The following PUDP variants were observed in gnomAD, a reference collection of about 807,000 sequenced individuals.
PUDP encodes the protein pseudouridine-5'-phosphatase.
A neutral mutation model predicts 9.4 loss-of-function variants in PUDP; 8 were observed. The observed-to-expected ratio is 0.85, with a 90% CI of 0.50 to 1.53. The LOEUF is 1.53. Ranked by LOEUF, PUDP falls within the 40% of genes most tolerant of loss-of-function variation. The pLI is 0.00. For missense variants in PUDP, 188 were observed against 189.7 expected, an observed-to-expected ratio of 0.99 and a Z score of 0.05; for synonymous variants, 99 against 80.7, an observed-to-expected ratio of 1.23 and a Z score of -1.22.
intron 1 of PUDP, among the ~76,000 whole-genome samples, chrX:6,992,422 G>A (rs1006317991): frequency 1.9e-5 from 2 of 103,197 alleles, no homozygotes; most frequent in African/African-American, 7.0e-5. Flanking sequence ...ACAGGCGCCC[G>A]CCACCGTGCC....
intron 3 of PUDP, among the ~76,000 whole-genome samples, chrX:6,764,191 C>A (rs765581667): frequency 9.0e-6 from 1 of 111,408 alleles, no homozygotes; most frequent in African/African-American, 3.3e-5. Context: ...CCTGCTAAGT[C>A]GACAGAGAAT....
intron 2 of PUDP, among the ~76,000 whole-genome samples, chrX:7,097,898 G>A (rs1440854667): frequency 2.7e-5 from 3 of 112,208 alleles, no homozygotes; most frequent in Non-Finnish European, 5.6e-5. Context: ...TCAGCCTGAG[G>A]AGGAAGGCTT....
intron 1 of PUDP, among the ~76,000 whole-genome samples, chrX:6,991,501 G>A (rs975300177): frequency 3.6e-5 from 4 of 109,977 alleles, no homozygotes; most frequent in Non-Finnish European, 7.6e-5. Flanking sequence ...AACAGAGTGA[G>A]ACCCTGTCTC....
chrX:7,097,200 A>G (rs1295516783), intron 2 of PUDP, among the ~76,000 whole-genome samples: 1 of 111,814 alleles, frequency 8.9e-6, no homozygotes, highest in Admixed American at 9.5e-5. Context: ...TGCAGGTTGC[A>G]TTCTGACACG....
In PUDP at chrX:6,736,729, T is replaced by A. The variant is rs113967916; in HGVS notation, c.*248-30263A>T. ...ACATGGATGGAGCTGGAGGCCATGA[T>A]CCTAAGTGAAGTAACACAGGAACAG... On this transcript the variant is annotated intron_variant and NMD_transcript_variant, in intron 3 of 3. Coordinates refer to the PUDP transcript ENST00000655425. Among the ~76,000 whole-genome samples, 1,076 of 111,432 alleles carry A rather than the reference T, an allele frequency of 9.7e-3. 11 individuals carry two copies. Among genetic ancestry groups the A allele is most frequent in the African/African-American group, 0.033 (1,019 of 30,650 alleles).
At chrX:7,088,002 T>C (rs776640925) in intron 2 of PUDP, among the ~76,000 whole-genome samples, 33 of 111,977 alleles carry the variant, frequency 2.9e-4, no homozygotes, top group Non-Finnish European at 5.4e-4. Flanking sequence ...TCCAATTTCA[T>C]AGACTTATAG....
At chrX:6,775,742 A>C (rs899999733) in intron 3 of PUDP, among the ~76,000 whole-genome samples, 3 of 110,653 alleles carry the variant, frequency 2.7e-5, no homozygotes, top group Non-Finnish European at 5.7e-5. Flanking sequence ...GAATGGAATT[A>C]GTGTCCTTAT....
At chrX:7,002,576 C>T in intron 1 of PUDP, among the ~76,000 whole-genome samples, 1 of 111,136 alleles carries the variant, frequency 9.0e-6, no homozygotes, top group African/African-American at 3.3e-5. Flanking sequence ...CAAGGAGATC[C>T]TCACAATGCT....
intron 1 of PUDP, among the ~76,000 whole-genome samples, chrX:6,718,098 CTG>C (rs1340694908): frequency 3.6e-5 from 4 of 110,848 alleles, no homozygotes; most frequent in Non-Finnish European, 5.7e-5. Flanking sequence ...GATATTAGCA[CTG>C]TGTCAGATAT....
At chrX:6,734,827 T>C (rs189358385) in intron 3 of PUDP, among the ~76,000 whole-genome samples, 112 of 111,570 alleles carry the variant, frequency 1.0e-3, no homozygotes, top group African/African-American at 3.6e-3. Flanking sequence ...TTTGCAGCAG[T>C]GGAGTGCTAG....
At chrX:6,725,046 G>A (rs1414526106), upstream of PUDP, among the ~76,000 whole-genome samples, 1 of 111,524 alleles carries the variant, frequency 9.0e-6, no homozygotes, top group East Asian at 2.8e-4. Flanking sequence ...GTCTGTAAAC[G>A]CTTCCTCTTG....
At chrX:6,921,959 G>C (rs1463542648) in intron 3 of PUDP, among the ~76,000 whole-genome samples, 1 of 111,487 alleles carries the variant, frequency 9.0e-6, no homozygotes, top group Non-Finnish European at 1.9e-5. Context: ...GTTTGAAGTG[G>C]CTCAGATGAA....
At position 7,049,183 on chromosome X, in the gene PUDP, G is replaced by A. The variant is rs1316228810; in HGVS notation, c.*1113C>T. On this transcript the variant is annotated 3_prime_UTR_variant, in exon 4 of 4. Coordinates refer to ENST00000381077, the MANE Select transcript of PUDP (RefSeq NM_012080.5). ...GAAGAGTAGCTCAAGGACATCAAAG[G>A]GCAGAGGCCCCTAGGAAGGGCTGAG... 1 of 111,916 alleles carries A rather than the reference G, an allele frequency of 8.9e-6. No individual in the cohort carries two copies. The highest frequency in any genetic ancestry group is 1.9e-5 in the Non-Finnish European group (1 of 53,192). The allele number at this position is 111,916 out of a possible 1,213,427, so 9.2% of individuals were successfully genotyped here.
rs1237236719 is a variant in PUDP, at chrX:7,145,064, TAC to T, written c.61+2987_61+2988del. Among the ~76,000 whole-genome samples the T allele has an allele frequency of 7.2e-5, 8 of 111,700 alleles. No homozygotes were observed. In the East Asian group the frequency reaches 2.0e-3, roughly 28 times the overall value. On this transcript the variant is annotated intron_variant, in intron 1 of 3. Transcript: ENST00000381077. The stretch of plus-strand genomic sequence containing the variant: ...CCAGTAGCCACCCACCAAATGAGGC[TAC>T]AGAGTGCCTGAAATGAGGCTAGTTC...
intron 1 of PUDP, among the ~76,000 whole-genome samples, chrX:6,720,426 T>A (rs1215171716): frequency 9.5e-6 from 1 of 105,550 alleles, no homozygotes; most frequent in Non-Finnish European, 1.9e-5. Context: ...TACCATATGA[T>A]CTCACTTAGA....
chrX:6,808,833 C>T (rs1007424989), intron 3 of PUDP, among the ~76,000 whole-genome samples: 5 of 112,311 alleles, frequency 4.5e-5, no homozygotes, highest in African/African-American at 1.3e-4. Context: ...TTTCAGTACT[C>T]ATGTCCAAGG....
At chrX:7,074,465 T>G (rs1414780183) in intron 3 of PUDP, among the ~76,000 whole-genome samples, 5 of 112,958 alleles carry the variant, frequency 4.4e-5, no homozygotes, top group Non-Finnish European at 9.4e-5. Context: ...CTGCCTGTAC[T>G]TGAAATTCCG....
intron 3 of PUDP, among the ~76,000 whole-genome samples, chrX:6,800,208 A>C (rs1925909939): frequency 1.8e-5 from 2 of 112,221 alleles, no homozygotes; most frequent in African/African-American, 6.5e-5. Flanking sequence ...ATTCCAGTCC[A>C]CATTGAGACT....
intron 3 of PUDP, among the ~76,000 whole-genome samples, chrX:6,833,889 C>T (rs1414022724): frequency 8.9e-6 from 1 of 112,063 alleles, no homozygotes; most frequent in South Asian, 3.7e-4. Context: ...GGTTTCCTTC[C>T]AATTTAAAAT....
Sources: gnomAD v4.1 joint callset for allele counts (sites outside exome capture counted in the v4.1 genomes callset) on GRCh38, gnomAD v4.1.1 for gene constraint, MANE v1.5 for transcripts, NCBI Gene and HGNC (gene_info 2026-07-23, HGNC 2026-07-21) for gene names.